The following MYO1H variants were observed in gnomAD, a reference collection of about 807,000 sequenced individuals.
The protein encoded by MYO1H is unconventional myosin-Ih.
Under a neutral mutation model 149.3 loss-of-function variants are expected in MYO1H, and 118 were observed. The ratio of observed to expected loss-of-function variants is 0.79; its 90% CI spans 0.68 to 0.92. The LOEUF (loss-of-function observed/expected upper bound fraction) is 0.92. Ranked by LOEUF, MYO1H falls within the 40% of genes least tolerant of loss-of-function variation. MYO1H has a pLI of 0.00. For missense variants in MYO1H, 1,212 were observed against 1,280.7 expected, an observed-to-expected ratio of 0.95 and a Z score of 0.82; for synonymous variants, 447 against 465.2, an observed-to-expected ratio of 0.96 and a Z score of 0.50.
intron 19 of MYO1H, among the ~76,000 whole-genome samples, chr12:109,431,664 T>G (rs973500990): frequency 5.9e-5 from 9 of 152,222 alleles, no homozygotes; most frequent in African/African-American, 9.6e-5. Context: ...TCTGCACTTC[T>G]GAATTCTGCG....
intron 1 of MYO1H, among the ~76,000 whole-genome samples, chr12:109,384,557 C>T (rs935836834): frequency 3.3e-5 from 5 of 152,124 alleles, no homozygotes; most frequent in East Asian, 3.8e-4. Flanking sequence ...GGGACACTCT[C>T]GTTTTCTCAC....
intron 27 of MYO1H, among the ~76,000 whole-genome samples, chr12:109,443,040 G>GTGTATATGTGTACGTA (rs1555255532): frequency 2.3e-5 from 1 of 42,716 alleles, no homozygotes. Context: ...GTGTGTGTGT[G>GTGTATATGTGTACGTA]TGTGTGTATA....
At chr12:109,314,547 G>A in the MYO1H span, among the ~76,000 whole-genome samples, 8 of 152,130 alleles carry the variant, frequency 5.3e-5, no homozygotes, top group Admixed American at 2.0e-4. Context: ...TGATGGCTCC[G>A]CTGTGAGGCA....
intron 2 of MYO1H, among the ~76,000 whole-genome samples, chr12:109,390,155 C>T (rs1279949902): frequency 6.6e-5 from 10 of 150,948 alleles, no homozygotes; most frequent in Non-Finnish European, 1.3e-4. Flanking sequence ...TGCTTTGGTT[C>T]TCTGTTTGAT....
intron 19 of MYO1H, among the ~76,000 whole-genome samples, chr12:109,429,723 G>C (rs1003744397): frequency 6.6e-6 from 1 of 152,198 alleles, no homozygotes; most frequent in East Asian, 1.9e-4. Flanking sequence ...ATCCAGGTAA[G>C]GGGAAAGAGT....
At chr12:109,420,855 G>A in intron 15 of MYO1H, 126 bp from the exon 16 acceptor site, 1 of 687,806 alleles carries the variant, frequency 1.5e-6, no homozygotes, top group East Asian at 2.7e-5. Context: ...TAGTGCCAAG[G>A]TTGAGAAACT....
Position 109,426,065 on chromosome 12 carries a change from C to A in MYO1H, c.1831+14C>A. 11 of 1,592,274 alleles carry A rather than the reference C, an allele frequency of 6.9e-6. No homozygotes were observed. Among genetic ancestry groups the A allele is most frequent in the Non-Finnish European group, 9.5e-6 (11 of 1,160,798 alleles). ...GGAAAGAACCCAGTGAGTTGTGGAT[C>A]ATTATGAACTGGGCTCAGGGAAAGG... On this transcript the variant is annotated intron_variant, in intron 18 of 31. Transcript: ENST00000310903.
chr12:109,407,690 C>T, intron 9 of MYO1H, 104 bp from the exon 10 acceptor site: 1 of 1,266,848 alleles, frequency 7.9e-7, no homozygotes, highest in East Asian at 2.5e-5. Context: ...AGAGCGAGAC[C>T]CTGTCTCATT....
At chr12:109,354,439 CA>C (rs11289375) in intron 1 of MYO1H, 65,648 of 147,188 alleles carry the variant, frequency 0.45, 14,973 homozygotes, top group African/African-American at 0.56. Flanking sequence ...CTTGTCTCTA[CA>C]AAAAAAAAAG....
chr12:109,391,109 G>C (rs1157734562), intron 2 of MYO1H, among the ~76,000 whole-genome samples: 1 of 152,214 alleles, frequency 6.6e-6, no homozygotes, highest in African/African-American at 2.4e-5. Context: ...AGGGGTACAT[G>C]TGCAGGATGT....
intron 24 of MYO1H, chr12:109,440,474 C>A: frequency 2.5e-6 from 1 of 407,092 alleles, no homozygotes; most frequent in South Asian, 2.7e-5. Context: ...CACTTTGGAC[C>A]CACTGAGTCA....
At chr12:109,421,742 G>T (rs1871182078) in intron 16 of MYO1H, among the ~76,000 whole-genome samples, 2 of 152,068 alleles carry the variant, frequency 1.3e-5, no homozygotes, top group South Asian at 4.2e-4. Context: ...GGCTGGAGAT[G>T]GTATTAGCCC....
At chr12:109,316,659 A>G in the MYO1H span, among the ~76,000 whole-genome samples, 1 of 152,184 alleles carries the variant, frequency 6.6e-6, no homozygotes, top group Non-Finnish European at 1.5e-5. Context: ...AGCCTTTTGG[A>G]GCATACAGAT....
chr12:109,374,748 TC>T (rs1265589268), intron 1 of MYO1H, among the ~76,000 whole-genome samples: 7 of 152,226 alleles, frequency 4.6e-5, no homozygotes. Context: ...TTGCTCTACA[TC>T]CTTCCCAGCT....
At chr12:109,341,189 G>A in the MYO1H span, among the ~76,000 whole-genome samples, 58,577 of 95,654 alleles carry the variant, frequency 0.61, 15,367 homozygotes, top group African/African-American at 0.68. Flanking sequence ...ACTCCATCTC[G>A]AAAAAAAAAA....
upstream of MYO1H, among the ~76,000 whole-genome samples, chr12:109,346,706 G>A (rs1246715522): frequency 1.3e-5 from 2 of 152,100 alleles, no homozygotes; most frequent in South Asian, 2.1e-4. Flanking sequence ...AGGTTGCAGT[G>A]AACTGAGATC....
intron 1 of MYO1H, among the ~76,000 whole-genome samples, chr12:109,370,143 G>T (rs1026832542): frequency 1.3e-5 from 2 of 152,122 alleles, no homozygotes; most frequent in African/African-American, 4.8e-5. Context: ...TTTGGGTGGG[G>T]ACACAGCCAA....
chr12:109,355,874 AT>A (rs36092499), intron 1 of MYO1H, among the ~76,000 whole-genome samples: 1,936 of 147,526 alleles, frequency 0.013, 49 homozygotes, highest in African/African-American at 0.046. Context: ...CGCCCAGCAA[AT>A]TTTTTTTTTT....
At chr12:109,393,390 T>C in exon 3 of MYO1H, 1 of 1,589,760 alleles carries the variant, frequency 6.3e-7, no homozygotes, top group Non-Finnish European at 8.6e-7. Context: ...GAATCTACAC[T>C]GTGAGCCAGA....
Sources: gnomAD v4.1 joint callset for allele counts (sites outside exome capture counted in the v4.1 genomes callset) on GRCh38, gnomAD v4.1.1 for gene constraint, MANE v1.5 for transcripts, NCBI Gene and HGNC (gene_info 2026-07-23, HGNC 2026-07-21) for gene names.